VPS54: variants seen among roughly 807,000 people sequenced by gnomAD.
VPS54 encodes the protein VPS54 subunit of GARP complex.
VPS54 carries 45 observed loss-of-function variants against 121.5 expected under a neutral mutation model. The ratio of observed to expected loss-of-function variants is 0.37; its 90% CI spans 0.29 to 0.47. The LOEUF (loss-of-function observed/expected upper bound fraction) is 0.47. Ranked by LOEUF, VPS54 falls within the 20% of genes least tolerant of loss-of-function variation. The probability of loss-of-function intolerance (pLI) is 0.99; values close to 1 mark genes in which losing one functional copy is unlikely to be tolerated. For missense variants in VPS54, 1,090 were observed against 1,131.4 expected, an observed-to-expected ratio of 0.96 and a Z score of 0.52; for synonymous variants, 371 against 385.8, an observed-to-expected ratio of 0.96 and a Z score of 0.45.
chr2:63,972,835 GC>G (rs1417321901), intron 3 of VPS54, among the ~76,000 whole-genome samples: 1 of 151,580 alleles, frequency 6.6e-6, no homozygotes. Context: ...CCGAGATCAT[GC>G]CATTGCACTC....
intron 12 of VPS54, among the ~76,000 whole-genome samples, chr2:63,927,966 AAG>A (rs1673993584): frequency 1.3e-5 from 2 of 152,224 alleles, no homozygotes; most frequent in Non-Finnish European, 2.9e-5. Flanking sequence ...TTAGAGAAAA[AAG>A]AGTGAAAAGA....
chr2:63,921,383 T>C, intron 12 of VPS54, 48 bp from the exon 13 acceptor site: 2 of 1,597,106 alleles, frequency 1.3e-6, no homozygotes, highest in Non-Finnish European at 8.5e-7. Flanking sequence ...GTAAACATAG[T>C]ATTCTCCACA....
intron 1 of VPS54, among the ~76,000 whole-genome samples, chr2:63,999,917 A>G (rs564254093): frequency 6.6e-6 from 1 of 151,944 alleles, no homozygotes; most frequent in Non-Finnish European, 1.5e-5. Context: ...CTAGAGTGCA[A>G]TGGCACGATC....
chr2:63,979,003 C>A (rs1193954574), intron 3 of VPS54, among the ~76,000 whole-genome samples: 1 of 152,160 alleles, frequency 6.6e-6, no homozygotes, highest in Non-Finnish European at 1.5e-5. Flanking sequence ...GTTGAATTTA[C>A]TGGCACAAAG....
At chr2:63,915,151 CA>C (rs5831674) in intron 16 of VPS54, among the ~76,000 whole-genome samples, 3,829 of 23,726 alleles carry the variant, frequency 0.16, 17 homozygotes, top group South Asian at 0.19. Flanking sequence ...AGCTCCGTCT[CA>C]AAAAAAAAAA....
At chr2:63,996,155 G>T (rs1677578055) in intron 1 of VPS54, among the ~76,000 whole-genome samples, 1 of 152,328 alleles carries the variant, frequency 6.6e-6, no homozygotes, top group Non-Finnish European at 1.5e-5. Context: ...CAGGGACCCT[G>T]AACGGAGGGA....
intron 3 of VPS54, chr2:63,975,077 A>ACTCTGT: frequency 6.5e-7 from 1 of 1,535,242 alleles, no homozygotes; most frequent in Non-Finnish European, 8.8e-7. Flanking sequence ...ACAGAGTCTC[A>ACTCTGT]CTCTGTCACC....
intron 3 of VPS54, among the ~76,000 whole-genome samples, chr2:63,981,198 T>C (rs1575985691): frequency 6.6e-6 from 1 of 152,290 alleles, no homozygotes; most frequent in East Asian, 1.9e-4. Context: ...GTTCTTGCTC[T>C]CAGACAGGGT....
At chr2:63,936,988 A>G (rs999799377) in intron 11 of VPS54, among the ~76,000 whole-genome samples, 1 of 152,208 alleles carries the variant, frequency 6.6e-6, no homozygotes, top group Non-Finnish European at 1.5e-5. Context: ...TACCACCTAT[A>G]AAAACAAACT....
At chr2:63,967,718 C>CATAAAAAAAAAAAA (rs1676069871) in intron 5 of VPS54, among the ~76,000 whole-genome samples, 1 of 52,988 alleles carries the variant, frequency 1.9e-5, no homozygotes, top group Non-Finnish European at 3.7e-5. Flanking sequence ...GACTCTGCCT[C>CATAAAAAAAAAAAA]AAAAAAAAAA....
At chr2:63,947,293 T>TA in intron 9 of VPS54, 90 bp downstream of exon 9, 2 of 1,217,022 alleles carry the variant, frequency 1.6e-6, no homozygotes, top group Non-Finnish European at 2.2e-6. Context: ...ATATTACTAT[T>TA]ACACTATATA....
chr2:63,900,743 T>G (rs958014735), intron 20 of VPS54, among the ~76,000 whole-genome samples: 1 of 149,402 alleles, frequency 6.7e-6, no homozygotes, highest in Non-Finnish European at 1.5e-5. Context: ...CCATATCATC[T>G]CAAATCTGGT....
intron 5 of VPS54, 97 bp downstream of exon 5, chr2:63,968,860 G>C: frequency 3.1e-6 from 3 of 955,264 alleles, no homozygotes; most frequent in East Asian, 2.5e-5. Flanking sequence ...GTAGCCAAAG[G>C]GTCAAAAAAA....
chr2:63,928,285 G>A (rs1250572919), intron 12 of VPS54, among the ~76,000 whole-genome samples: 1 of 152,218 alleles, frequency 6.6e-6, no homozygotes, highest in African/African-American at 2.4e-5. Context: ...TACCCACAAA[G>A]GGAAGCCCAT....
At chr2:63,953,757 G>C (rs562565285) in intron 7 of VPS54, among the ~76,000 whole-genome samples, 1 of 152,192 alleles carries the variant, frequency 6.6e-6, no homozygotes, top group East Asian at 1.9e-4. Context: ...TTATGGTAGG[G>C]GTTGTGGGGG....
In VPS54 at chr2:63,980,031, C is replaced by T. The variant is rs187186398; in HGVS notation, c.378+1615G>A. Among the ~76,000 whole-genome samples the T allele has an allele frequency of 6.6e-5, 10 of 152,156 alleles. 1 individual carries two copies. The highest frequency in any genetic ancestry group is 2.6e-4 in the Admixed American group (4 of 15,292). On this transcript the variant is annotated intron_variant, in intron 3 of 22. Coordinates refer to ENST00000272322, the MANE Select transcript of VPS54 (RefSeq NM_016516.3). The stretch of plus-strand genomic sequence containing the variant: ...CTATTATAATCTTGCTGATATTCTG[C>T]TTGTCCTATTATTTATTGAAAGAGT...
chr2:63,961,246 C>T (rs548441266), intron 7 of VPS54, among the ~76,000 whole-genome samples: 1 of 152,270 alleles, frequency 6.6e-6, no homozygotes, highest in South Asian at 2.1e-4. Flanking sequence ...AATTGTTCAT[C>T]TAATTAAATT....
At chr2:63,983,803 C>A in intron 2 of VPS54, 61 bp downstream of exon 2, 1 of 1,519,420 alleles carries the variant, frequency 6.6e-7, no homozygotes. Context: ...TAAAACCTGA[C>A]TACTCATTTA....
intron 11 of VPS54, among the ~76,000 whole-genome samples, chr2:63,941,317 T>C (rs903869120): frequency 2.6e-5 from 4 of 151,282 alleles, no homozygotes; most frequent in Non-Finnish European, 5.9e-5. Flanking sequence ...CTTGACCTGC[T>C]GGGGTTAGGT....
Sources: allele counts gnomAD v4.1 joint callset (sites outside exome capture counted in the v4.1 genomes callset), GRCh38; gene constraint gnomAD v4.1.1; transcripts MANE v1.5; gene names NCBI Gene and HGNC (gene_info 2026-07-23, HGNC 2026-07-21).